The following GET1 variants were observed in gnomAD, a reference collection of about 807,000 sequenced individuals.
GET1 encodes the protein guided entry of tail-anchored proteins factor 1.
GET1 carries 20 observed loss-of-function variants against 22.6 expected under a neutral mutation model. The ratio of observed to expected loss-of-function variants is 0.89; its 90% CI spans 0.62 to 1.29. The LOEUF (loss-of-function observed/expected upper bound fraction) is 1.29. GET1 is among the 50% of genes most tolerant of loss of function. The probability of loss-of-function intolerance (pLI) is 0.00; values close to 1 mark genes in which losing one functional copy is unlikely to be tolerated. For missense variants in GET1, 209 were observed against 219.9 expected (o/e 0.95, Z 0.31); for synonymous variants, 92 against 83.8 (o/e 1.10, Z -0.53).
chr21:39,410,168 T>C, downstream of GET1: 1 of 1,259,864 alleles, frequency 7.9e-7, no homozygotes, highest in African/African-American at 1.5e-5. Context: ...TTTATTCTAA[T>C]GACTACAAAT....
exon 2 of GET1, chr21:39,428,232 G>A: frequency 1.9e-6 from 3 of 1,601,574 alleles, no homozygotes; most frequent in Non-Finnish European, 1.7e-6. Context: ...TTTACCACAG[G>A]CTGCTTTAAA....
intron 1 of GET1, among the ~76,000 whole-genome samples, chr21:39,419,052 A>C (rs1225771346): frequency 6.6e-6 from 1 of 152,056 alleles, no homozygotes; most frequent in Non-Finnish European, 1.5e-5. Context: ...TTACAAAGGG[A>C]AAATTTTCTT....
At chr21:39,406,461 A>G in exon 5 of GET1, 1 of 1,614,022 alleles carries the variant, frequency 6.2e-7, no homozygotes, top group Non-Finnish European at 8.5e-7. Context: ...TTTCTCTTTC[A>G]GGATGAATAA....
intron 1 of GET1, among the ~76,000 whole-genome samples, chr21:39,388,705 C>A (rs1448889603): frequency 6.6e-6 from 1 of 152,188 alleles, no homozygotes; most frequent in Non-Finnish European, 1.5e-5. Flanking sequence ...TTGGGGCGCC[C>A]GCGCAGTCCT....
At chr21:39,387,937 A>G (rs2038031585) in intron 1 of GET1, 2 of 810,998 alleles carry the variant, frequency 2.5e-6, no homozygotes, top group Non-Finnish European at 3.0e-6. Flanking sequence ...TTTCGTCTTT[A>G]TTAATCTATT....
At chr21:39,414,753 T>C (rs1165151847) in intron 1 of GET1, among the ~76,000 whole-genome samples, 1 of 148,770 alleles carries the variant, frequency 6.7e-6, no homozygotes, top group African/African-American at 2.6e-5. Context: ...TGTGTGTGTG[T>C]GTGTGTGTGT....
intron 1 of GET1, among the ~76,000 whole-genome samples, chr21:39,381,784 G>T (rs2037568646): frequency 6.6e-6 from 1 of 152,122 alleles, no homozygotes; most frequent in African/African-American, 2.4e-5. Flanking sequence ...ACAGGGTCTG[G>T]CTCTGTGCAG....
intron 1 of GET1, among the ~76,000 whole-genome samples, chr21:39,386,832 A>G (rs1179656183): frequency 6.8e-6 from 1 of 146,736 alleles, no homozygotes; most frequent in African/African-American, 2.5e-5. Flanking sequence ...ACATATTTGC[A>G]AATTTATACT....
chr21:39,420,696 A>G (rs2042156598), intron 1 of GET1: 1 of 1,605,120 alleles, frequency 6.2e-7, no homozygotes. Flanking sequence ...TTTTGTTTTA[A>G]AAGAAATACC....
chr21:39,387,700 C>T (rs918081261), intron 1 of GET1: 4 of 809,380 alleles, frequency 4.9e-6, no homozygotes, highest in Non-Finnish European at 4.5e-6. Flanking sequence ...CTCCCCCCCC[C>T]CACTTTTGCC....
intron 1 of GET1, among the ~76,000 whole-genome samples, chr21:39,419,090 A>G (rs1023323664): frequency 6.6e-6 from 1 of 152,104 alleles, no homozygotes; most frequent in African/African-American, 2.4e-5. Flanking sequence ...CCCAGTTCTC[A>G]ATGATACCAA....
intron 1 of GET1, among the ~76,000 whole-genome samples, chr21:39,385,297 G>T (rs1217946665): frequency 2.0e-5 from 3 of 152,112 alleles, no homozygotes; most frequent in Admixed American, 1.3e-4. Context: ...ACTGGTCCCC[G>T]CACTGGTCTC....
At chr21:39,390,900 G>A (rs377118988) in intron 2 of GET1, 37 bp downstream of exon 2, 15 of 1,609,596 alleles carry the variant, frequency 9.3e-6, no homozygotes, top group African/African-American at 1.3e-5. Flanking sequence ...CTTCATGAGA[G>A]CGGATGAATA....
downstream of GET1, among the ~76,000 whole-genome samples, chr21:39,400,913 AT>A (rs775534107): frequency 0.11 from 15,530 of 142,980 alleles, 955 homozygotes; most frequent in Non-Finnish European, 0.15. Context: ...CTTTTCCTGT[AT>A]TTTTTTTTTT....
chr21:39,418,126 A>G (rs2041617261), intron 1 of GET1, among the ~76,000 whole-genome samples: 1 of 152,202 alleles, frequency 6.6e-6, no homozygotes, highest in African/African-American at 2.4e-5. Context: ...TCACAAGAAC[A>G]GCATGGGAAA....
chr21:39,414,802 T>C (rs996057423), intron 1 of GET1, among the ~76,000 whole-genome samples: 6 of 146,258 alleles, frequency 4.1e-5, no homozygotes, highest in Non-Finnish European at 9.0e-5. Context: ...TACTTTGTGA[T>C]TGTCTATGTT....
At chr21:39,408,129 G>A (rs903649169), downstream of GET1, among the ~76,000 whole-genome samples, 5 of 152,144 alleles carry the variant, frequency 3.3e-5, no homozygotes, top group East Asian at 1.9e-4. Flanking sequence ...CCAGCCTTGC[G>A]GGGCTGCAGC....
At chr21:39,417,693 A>C (rs538686976) in intron 1 of GET1, among the ~76,000 whole-genome samples, 1 of 152,262 alleles carries the variant, frequency 6.6e-6, no homozygotes, top group African/African-American at 2.4e-5. Context: ...GAGCAAAAGG[A>C]CTTCTTACAT....
At chr21:39,418,761 A>T (rs2041755782) in intron 1 of GET1, among the ~76,000 whole-genome samples, 1 of 152,116 alleles carries the variant, frequency 6.6e-6, no homozygotes, top group Non-Finnish European at 1.5e-5. Context: ...CGGCCTCCCA[A>T]AGTGCTGGGA....
Sources: gnomAD v4.1 joint callset for allele counts (sites outside exome capture counted in the v4.1 genomes callset) on GRCh38, gnomAD v4.1.1 for gene constraint, MANE v1.5 for transcripts, NCBI Gene and HGNC (gene_info 2026-07-23, HGNC 2026-07-21) for gene names.